The following MYH9 variants were observed in gnomAD, a reference collection of about 807,000 sequenced individuals.
The protein encoded by MYH9 is myosin heavy chain 9.
In MYH9, 29 loss-of-function variants were observed where a neutral mutation model predicts 241.9. That is an observed-to-expected ratio of 0.12 (90% CI 0.09 to 0.16). The LOEUF (loss-of-function observed/expected upper bound fraction) is 0.16. Among genes scored for constraint, MYH9 ranks in the 10% least tolerant of loss-of-function variants. MYH9 has a pLI of 1.00. For synonymous variants in MYH9, 1,047 were observed against 1,062.6 expected (o/e 0.99, Z 0.29); for missense variants, 1,803 against 2,595.5 (o/e 0.69, Z 6.63).
At chr22:36,303,675 T>G (rs375516627) in intron 19 of MYH9, among the ~76,000 whole-genome samples, 17 of 148,636 alleles carry the variant, frequency 1.1e-4, no homozygotes, top group African/African-American at 4.2e-4. Flanking sequence ...CCTCAGCTAC[T>G]AAGTGAGGCT....
At position 36,284,454 on chromosome 22, in the gene MYH9, C is replaced by A. The variant is rs2016545349; in HGVS notation, c.5541G>T (p.Val1847=). The part of the protein sequence containing the change: ...VRRTEKKLKD[V]LLQVDDERRN... ...TCCGCTCGTCATCCACCTGCAGCAG[C>A]ACATCCTTCAGCTTCTTCTCGGTCC... is the stretch of plus-strand genomic sequence containing the variant. The change falls in exon 39 of 41, where the codon GTG becomes GTT. Residue 1847 remains valine (V), a synonymous_variant. Transcript: ENST00000216181. 1.9e-6 allele frequency: 3 copies of A among 1,613,472 alleles called. No homozygotes were observed. The highest frequency in any genetic ancestry group is 2.5e-6 in the Non-Finnish European group (3 of 1,180,048).
intron 34 of MYH9, among the ~76,000 whole-genome samples, chr22:36,287,309 C>T (rs1290738018): frequency 6.6e-6 from 1 of 152,140 alleles, no homozygotes; most frequent in Non-Finnish European, 1.5e-5. Flanking sequence ...ATTGAGATTC[C>T]CCAAATCAAA....
intron 18 of MYH9, 145 bp downstream of exon 18, chr22:36,304,888 G>A (rs180777599): frequency 1.3e-5 from 11 of 820,766 alleles, no homozygotes; most frequent in African/African-American, 1.0e-4. Flanking sequence ...AAGGGCGCCC[G>A]GCAGAGTCAG....
At chr22:36,365,843 C>T (rs2018002201) in intron 1 of MYH9, among the ~76,000 whole-genome samples, 1 of 152,190 alleles carries the variant, frequency 6.6e-6, no homozygotes, top group Admixed American at 6.5e-5. Flanking sequence ...CATACACATG[C>T]TATTCACTCT....
chr22:36,316,334 GAGACCCT>G (rs1228722418), intron 12 of MYH9, among the ~76,000 whole-genome samples, 176 bp downstream of exon 12: 4 of 147,572 alleles, frequency 2.7e-5, no homozygotes, highest in Non-Finnish European at 6.0e-5. Flanking sequence ...GTGCCCAGCC[GAGACCCT>G]ATCTTTTAAA....
intron 3 of MYH9, 80 bp from the exon 4 acceptor site, chr22:36,327,568 C>T: frequency 6.6e-7 from 1 of 1,524,778 alleles, no homozygotes. Context: ...CTGCCCGTTT[C>T]CCAGACAGGG....
rs1037740278 is a variant in MYH9, at chr22:36,294,241, C to T, written c.3688G>A (p.Ala1230Thr). 3.1e-6 allele frequency: 5 copies of T among 1,614,026 alleles called. No individual in the cohort carries two copies. The African/African-American group carries it at 4.0e-5, about 13-fold the overall frequency. The change falls in exon 28 of 41, where the codon GCC (alanine) becomes ACC (threonine). Residue 1230 changes from alanine (A) to threonine (T), a missense_variant. Physicochemically the swap from Ala to Thr is moderately conservative, Grantham distance 58 (BLOSUM62 0). Transcript: ENST00000216181. ...QTLENERGEL[A>T]NEVKVLLQGK... ...TGCAGCAGCACCTTCACCTCGTTGGCCAGCTCCCCCCGCTCGTTCTCCAGA... is the reference window on the plus strand; with the variant it reads ...TGCAGCAGCACCTTCACCTCGTTGGTCAGCTCCCCCCGCTCGTTCTCCAGA...
chr22:36,332,414 G>A (rs981120182), intron 3 of MYH9, among the ~76,000 whole-genome samples: 6 of 152,108 alleles, frequency 3.9e-5, no homozygotes, highest in South Asian at 2.1e-4. Flanking sequence ...CCCTTCCGTC[G>A]CTCCCAGGCA....
At chr22:36,364,537 G>A (rs1010295872) in intron 1 of MYH9, among the ~76,000 whole-genome samples, 4 of 152,172 alleles carry the variant, frequency 2.6e-5, no homozygotes, top group South Asian at 4.2e-4. Flanking sequence ...CAGACAGCAA[G>A]GGCCACCCAC....
At chr22:36,335,231 G>A (rs2017480410) in intron 3 of MYH9, among the ~76,000 whole-genome samples, 2 of 152,244 alleles carry the variant, frequency 1.3e-5, no homozygotes, top group South Asian at 4.1e-4. Context: ...TCTCTGCAGA[G>A]TGCCCGGCAC....
chr22:36,314,640 G>GTTTTTTTTTTTTTTTTTTTTTT (rs371769551), intron 12 of MYH9, among the ~76,000 whole-genome samples: 2 of 149,922 alleles, frequency 1.3e-5, no homozygotes, highest in Non-Finnish European at 1.5e-5. Context: ...GTAATACATT[G>GTTTTTTTTTTTTTTTTTTTTTT]TTTTTTTTTT....
intron 1 of MYH9, among the ~76,000 whole-genome samples, chr22:36,357,360 G>T (rs952280396): frequency 6.6e-6 from 1 of 152,284 alleles, no homozygotes; most frequent in Non-Finnish European, 1.5e-5. Context: ...AGGTACGATC[G>T]CTCAATAACC....
chr22:36,342,902 C>T (rs2017612587), intron 2 of MYH9, among the ~76,000 whole-genome samples: 1 of 152,242 alleles, frequency 6.6e-6, no homozygotes, highest in Non-Finnish European at 1.5e-5. Flanking sequence ...ATGCCAACCT[C>T]CTTGGTCACG....
chr22:36,309,835 T>C (rs1429902767), intron 14 of MYH9, among the ~76,000 whole-genome samples: 1 of 152,258 alleles, frequency 6.6e-6, no homozygotes, highest in Non-Finnish European at 1.5e-5. Context: ...TCTGAGTATG[T>C]GTCAGTTTCA....
In MYH9 at chr22:36,305,262, A is replaced by C. The variant is rs1031325121; in HGVS notation, c.2160-160T>G. ...AGAAGACACAGGCAAATCCCACCCC[A>C]CTCTTTTCTTCGGCTGAATGAGACA... On this transcript the variant is annotated intron_variant, in intron 17 of 40. Coordinates refer to ENST00000216181, the MANE Select transcript of MYH9 (RefSeq NM_002473.6). The surrounding 1 kb of genome is among the most constrained non-coding windows in gnomAD (Gnocchi z 4.7). Among the ~76,000 whole-genome samples the C allele has an allele frequency of 6.6e-6, 1 of 151,730 alleles. No individual in the cohort carries two copies. The highest frequency in any genetic ancestry group is 2.4e-5 in the African/African-American group (1 of 41,242).
chr22:36,310,272 A>C (rs1283330932), intron 14 of MYH9, among the ~76,000 whole-genome samples: 1 of 150,886 alleles, frequency 6.6e-6, no homozygotes, highest in Non-Finnish European at 1.5e-5. Context: ...TCCGTCTCAA[A>C]AAAAAAAAAA....
At position 36,288,647 on chromosome 22, in the gene MYH9, A is replaced by T; in HGVS notation, c.4770+80T>A. 1 of 1,535,104 alleles carries T rather than the reference A, an allele frequency of 6.5e-7. No homozygotes were observed. Among genetic ancestry groups the T allele is most frequent in the Non-Finnish European group, 8.9e-7 (1 of 1,122,548 alleles). On this transcript the variant is annotated intron_variant, in intron 33 of 40. Transcript: ENST00000216181. This position sits in a 1 kb window ranked among gnomAD's most constrained non-coding sequence, Gnocchi z 4.8. The stretch of plus-strand genomic sequence containing the variant: ...TGGTCAAGGGGCCCTAACACAATCC[A>T]GGTGGAAGGAGAGAACAGAAGCCTG...
At chr22:36,340,815 A>C (rs1397882868) in intron 3 of MYH9, among the ~76,000 whole-genome samples, 1 of 152,162 alleles carries the variant, frequency 6.6e-6, no homozygotes, top group Non-Finnish European at 1.5e-5. Flanking sequence ...GTGGGGACAG[A>C]CAGCCAGGGC....
chr22:36,317,842 C>T (rs541152811), intron 11 of MYH9, among the ~76,000 whole-genome samples: 46 of 152,370 alleles, frequency 3.0e-4, no homozygotes, highest in African/African-American at 8.9e-4. Flanking sequence ...TGGCGGGAGC[C>T]GCCACCCTGG....
Sources: gnomAD v4.1 joint callset for allele counts (sites outside exome capture counted in the v4.1 genomes callset) on GRCh38, gnomAD v4.1.1 for gene constraint, Gnocchi (gnomAD v3.1) non-coding constraint, MANE v1.5 for transcripts, NCBI Gene and HGNC (gene_info 2026-07-23, HGNC 2026-07-21) for gene names.